ANK2: variants seen among roughly 807,000 people sequenced by gnomAD.
ANK2 encodes ankyrin-2.
Under a neutral mutation model 360.5 loss-of-function variants are expected in ANK2, and 83 were observed. That is an observed-to-expected ratio of 0.23 (90% confidence interval 0.19 to 0.28). The LOEUF (loss-of-function observed/expected upper bound fraction) is 0.28, where lower values mean the gene tolerates loss of function less well. Ranked by LOEUF, ANK2 falls within the 10% of genes least tolerant of loss-of-function variation. ANK2 has a pLI of 1.00. For missense variants in ANK2, 4,201 were observed against 4,795.7 expected, an observed-to-expected ratio of 0.88 and a Z score of 3.66; for synonymous variants, 1,740 against 1,759.5, an observed-to-expected ratio of 0.99 and a Z score of 0.28.
chr4:112,841,065 G>A (rs1458219327), intron 1 of ANK2, among the ~76,000 whole-genome samples: 1 of 152,134 alleles, frequency 6.6e-6, no homozygotes, highest in African/African-American at 2.4e-5. Context: ...CTTCAGGGCT[G>A]GTTTCTTCTG....
intron 2 of ANK2, among the ~76,000 whole-genome samples, chr4:112,955,748 C>T (rs2095301469): frequency 6.6e-6 from 1 of 151,992 alleles, no homozygotes; most frequent in Admixed American, 6.5e-5. Flanking sequence ...TATTTATGTG[C>T]TAATCTTTGA....
intron 36 of ANK2, among the ~76,000 whole-genome samples, chr4:113,349,944 T>C (rs1397171473): frequency 6.6e-6 from 1 of 152,164 alleles, no homozygotes; most frequent in Non-Finnish European, 1.5e-5. Flanking sequence ...ATTCCCTAAA[T>C]ATGTATTCCA....
intron 2 of ANK2, among the ~76,000 whole-genome samples, chr4:113,191,734 T>C (rs2098668101): frequency 6.6e-6 from 1 of 152,208 alleles, no homozygotes; most frequent in South Asian, 2.1e-4. Flanking sequence ...AGAATTAACC[T>C]ACATTGTTTG....
intron 1 of ANK2, chr4:113,117,043 A>T: frequency 3.0e-6 from 1 of 337,566 alleles, no homozygotes; most frequent in Non-Finnish European, 5.8e-6. Flanking sequence ...GTGTGCGTGC[A>T]GGTGTGTGCT....
At chr4:113,151,991 AG>A (rs1236132857) in intron 1 of ANK2, among the ~76,000 whole-genome samples, 3 of 145,336 alleles carry the variant, frequency 2.1e-5, no homozygotes, top group Non-Finnish European at 4.5e-5. Context: ...ACTTGAGCCT[AG>A]GAGGTGGAGA....
intron 4 of ANK2, among the ~76,000 whole-genome samples, chr4:113,220,760 T>A: frequency 6.6e-6 from 1 of 152,326 alleles, no homozygotes; most frequent in East Asian, 1.9e-4. Context: ...AATTCAGCTA[T>A]TAAATTCAAA....
intron 17 of ANK2, among the ~76,000 whole-genome samples, chr4:113,281,558 C>T (rs763950459): frequency 1.3e-4 from 20 of 152,018 alleles, no homozygotes; most frequent in Non-Finnish European, 2.2e-4. Flanking sequence ...ATAAATAAAA[C>T]ATCTCATGGT....
intron 2 of ANK2, among the ~76,000 whole-genome samples, chr4:112,999,764 A>G (rs2049954191): frequency 6.8e-6 from 1 of 146,396 alleles, no homozygotes; most frequent in African/African-American, 2.6e-5. Flanking sequence ...ATTTTATTTG[A>G]ACCCCCTGGA....
chr4:113,344,555 A>G (rs1436620664), intron 34 of ANK2, among the ~76,000 whole-genome samples: 3 of 152,208 alleles, frequency 2.0e-5, no homozygotes, highest in Admixed American at 2.0e-4. Flanking sequence ...TACACCCACA[A>G]GAATTTAAAG....
chr4:112,924,637 G>C, intron 2 of ANK2, among the ~76,000 whole-genome samples: 1 of 151,752 alleles, frequency 6.6e-6, no homozygotes, highest in East Asian at 1.9e-4. Flanking sequence ...AAATTGTAAT[G>C]ACAGGAAAAA....
At chr4:113,006,074 T>G (rs190785710) in intron 2 of ANK2, among the ~76,000 whole-genome samples, 3 of 152,286 alleles carry the variant, frequency 2.0e-5, no homozygotes, top group Admixed American at 2.0e-4. Context: ...TCTCAGGTAT[T>G]CCTTTATAGC....
intron 2 of ANK2, among the ~76,000 whole-genome samples, chr4:113,043,442 T>TA (rs141769112): frequency 8.9e-4 from 128 of 144,068 alleles, no homozygotes; most frequent in Middle Eastern, 3.5e-3. Context: ...CCAGGGGCTT[T>TA]AAAAAAAAAA....
Position 113,359,074 on chromosome 4 carries a change from T to A in ANK2, c.10456T>A (p.Ser3486Thr). The A allele has an allele frequency of 6.2e-7, 1 of 1,614,062 alleles. No homozygotes were observed. The highest frequency in any genetic ancestry group is 8.5e-7 in the Non-Finnish European group (1 of 1,179,936). Residue 3486 changes from serine (S) to threonine (T), a missense_variant, in exon 38 of 46, where the codon TCC (serine) becomes ACC (threonine). Physicochemically the swap from Ser to Thr is moderately conservative, Grantham distance 58. Around this residue, in one of 4 missense-constraint regions of ANK2, gnomAD observed 2,642 missense variants for 2,714.5 expected, o/e 0.97. Transcript: ENST00000357077. ...CTTTGAGGAGATTAGTGATGAGGCTTCCAAATTAGTGGATAGGCTGACACA... is the reference window on the plus strand; with the variant it reads ...CTTTGAGGAGATTAGTGATGAGGCTACCAAATTAGTGGATAGGCTGACACA... ...EFFEEISDEASKLVDRLTQSE... is the reference protein window; with the variant it reads ...EFFEEISDEATKLVDRLTQSE...
chr4:113,273,363 C>T (rs1338647094), intron 14 of ANK2, among the ~76,000 whole-genome samples: 1 of 152,166 alleles, frequency 6.6e-6, no homozygotes, highest in Non-Finnish European at 1.5e-5. Flanking sequence ...CAAATGTTCA[C>T]AAAATTTCAA....
chr4:112,929,901 T>C (rs568454428), intron 2 of ANK2, among the ~76,000 whole-genome samples: 1 of 152,288 alleles, frequency 6.6e-6, no homozygotes, highest in South Asian at 2.1e-4. Flanking sequence ...GAAAGAAAAA[T>C]TATCCTATGC....
At position 113,213,781 on chromosome 4, in the gene ANK2, A is replaced by G. The variant is rs907564883; in HGVS notation, c.384+14672A>G. ...GAATATCAGGTTCTTTGCAGAGGAAACGTTCCAAAAACCACTGCAAACATC... is the reference window on the plus strand; with the variant it reads ...GAATATCAGGTTCTTTGCAGAGGAAGCGTTCCAAAAACCACTGCAAACATC... On this transcript the variant is annotated intron_variant, in intron 4 of 45. Transcript: ENST00000357077. Among the ~76,000 whole-genome samples the G allele has an allele frequency of 3.9e-5, 6 of 152,110 alleles. No individual in the cohort carries two copies. In the South Asian group the frequency reaches 8.3e-4, roughly 21 times the overall value.
intron 1 of ANK2, among the ~76,000 whole-genome samples, chr4:113,140,013 G>T (rs185800062): frequency 2.0e-5 from 3 of 152,308 alleles, no homozygotes; most frequent in East Asian, 3.9e-4. Context: ...GGAATTTAGT[G>T]TAGATCCATA....
In ANK2 at chr4:112,953,026, C is replaced by T. The variant is rs185479604; in HGVS notation, c.21+48512C>T. Among the ~76,000 whole-genome samples the T allele has an allele frequency of 1.1e-3, 173 of 152,266 alleles. 1 individual carries two copies. The highest frequency in any genetic ancestry group is 1.1e-3 in the Non-Finnish European group (77 of 68,000). On this transcript the variant is annotated intron_variant, in intron 2 of 30. Coordinates refer to the ANK2 transcript ENST00000503271. ...GCCAAGCACTATTCTAAATACACTG[C>T]GGTTATTGTTTCATTTAATCCCATG...
At chr4:112,828,386 A>G (rs558846772) in intron 1 of ANK2, among the ~76,000 whole-genome samples, 10 of 151,740 alleles carry the variant, frequency 6.6e-5, no homozygotes, top group African/African-American at 1.9e-4. Context: ...AGTACCCCCC[A>G]CCACGTCCAG....
Sources: gnomAD v4.1 joint callset for allele counts (sites outside exome capture counted in the v4.1 genomes callset) on GRCh38, gnomAD v4.1.1 for gene constraint, gnomAD v4.1.1 regional missense constraint, MANE v1.5 for transcripts, NCBI Gene and HGNC (gene_info 2026-07-23, HGNC 2026-07-21) for gene names.